Variants in CNOT6L observed in about 807,000 individuals in gnomAD.
CNOT6L encodes CCR4-NOT transcription complex subunit 6 like, also known as CCR4-NOT transcription complex subunit 6-like.
In CNOT6L, 7 loss-of-function variants were observed where a neutral mutation model predicts 64.0. That is an observed-to-expected ratio of 0.11 (90% CI 0.06 to 0.21). The LOEUF is 0.21. Among genes scored for constraint, CNOT6L ranks in the 10% least tolerant of loss-of-function variants. The probability of loss-of-function intolerance (pLI) is 1.00; values close to 1 mark genes in which losing one functional copy is unlikely to be tolerated. For missense variants in CNOT6L, 245 were observed against 669.0 expected (o/e 0.37, Z 6.99); for synonymous variants, 193 against 243.4 (o/e 0.79, Z 1.93).
At chr4:77,768,793 A>G (rs960462398) in intron 4 of CNOT6L, among the ~76,000 whole-genome samples, 3 of 152,048 alleles carry the variant, frequency 2.0e-5, no homozygotes, top group Non-Finnish European at 2.9e-5. Context: ...TAAAAATCTG[A>G]CAATATCAAG....
intron 1 of CNOT6L, among the ~76,000 whole-genome samples, chr4:77,786,639 GC>G (rs1729481096): frequency 6.6e-6 from 1 of 151,684 alleles, no homozygotes; most frequent in Admixed American, 6.6e-5. Flanking sequence ...CCCACGCCTG[GC>G]TAATTTTTGT....
chr4:77,765,471 AC>A (rs1726726348), intron 4 of CNOT6L, among the ~76,000 whole-genome samples: 1 of 152,248 alleles, frequency 6.6e-6, no homozygotes, highest in Non-Finnish European at 1.5e-5. Context: ...TGACAGTTTT[AC>A]AGGACTGTTT....
intron 4 of CNOT6L, among the ~76,000 whole-genome samples, chr4:77,772,255 G>A (rs959055678): frequency 1.3e-5 from 2 of 151,996 alleles, no homozygotes; most frequent in Non-Finnish European, 1.5e-5. Flanking sequence ...TTCTTGAGAC[G>A]GAGTTTCGCT....
At chr4:77,797,174 A>G (rs1730959850) in intron 1 of CNOT6L, among the ~76,000 whole-genome samples, 1 of 149,090 alleles carries the variant, frequency 6.7e-6, no homozygotes. Flanking sequence ...TAATAGTGGT[A>G]GAGCAATTAG....
intron 11 of CNOT6L, among the ~76,000 whole-genome samples, chr4:77,722,574 G>C (rs775757274): frequency 6.6e-6 from 1 of 152,084 alleles, no homozygotes; most frequent in African/African-American, 2.4e-5. Context: ...AACCTTATTA[G>C]AGTGCCGTCA....
At chr4:77,780,546 A>T (rs150050531) in intron 1 of CNOT6L, among the ~76,000 whole-genome samples, 1 of 152,232 alleles carries the variant, frequency 6.6e-6, no homozygotes, top group Non-Finnish European at 1.5e-5. Context: ...TCTGCCATCC[A>T]TTCACTCTTT....
intron 4 of CNOT6L, among the ~76,000 whole-genome samples, chr4:77,770,219 G>C (rs1041372270): frequency 2.0e-5 from 3 of 152,000 alleles, no homozygotes; most frequent in Admixed American, 1.3e-4. Flanking sequence ...TAAAATTTCA[G>C]TATCTGAGTT....
At chr4:77,727,127 AAT>A (rs1172338033) in intron 10 of CNOT6L, among the ~76,000 whole-genome samples, 3 of 152,214 alleles carry the variant, frequency 2.0e-5, no homozygotes, top group Non-Finnish European at 4.4e-5. Flanking sequence ...TGATAAGCAC[AAT>A]ATCAGTATTG....
intron 8 of CNOT6L, among the ~76,000 whole-genome samples, chr4:77,734,935 T>C (rs1343004769): frequency 6.6e-6 from 1 of 152,172 alleles, no homozygotes; most frequent in Non-Finnish European, 1.5e-5. Flanking sequence ...GCTACCATTA[T>C]TGAGGATCTA....
chr4:77,751,010 T>C (rs1724794066), intron 5 of CNOT6L, among the ~76,000 whole-genome samples: 1 of 152,174 alleles, frequency 6.6e-6, no homozygotes, highest in Non-Finnish European at 1.5e-5. Context: ...TAAAAAGCAC[T>C]GGTCATACCA....
rs574619568 is a variant in CNOT6L at position 77,744,593 on chromosome 4, G to A, written c.717+125C>T. The A allele has an allele frequency of 3.9e-6, 3 of 768,280 alleles. No homozygotes were observed. The East Asian group carries it at 8.8e-5, about 23-fold the overall frequency. 47.6% of individuals were successfully genotyped at this position (768,280 alleles called of 1,614,324 possible). A position where few individuals can be genotyped will look rare whatever the true frequency, so the allele number is the denominator to read the frequency against. ...TATTTAAATTGTCCATTATTTTTAA[G>A]AGGAGAGAAAACAATTCTTTTTGAG... On this transcript the variant is annotated intron_variant, in intron 7 of 11. Coordinates refer to ENST00000504123, the MANE Select transcript of CNOT6L (RefSeq NM_144571.3).
chr4:77,742,812 C>G (rs1250179521), intron 7 of CNOT6L, among the ~76,000 whole-genome samples: 1 of 152,094 alleles, frequency 6.6e-6, no homozygotes, highest in African/African-American at 2.4e-5. Context: ...CATCCAATGG[C>G]CTCTATTAAT....
At chr4:77,817,724 G>A (rs550863676) in intron 1 of CNOT6L, among the ~76,000 whole-genome samples, 2 of 152,074 alleles carry the variant, frequency 1.3e-5, no homozygotes, top group Non-Finnish European at 2.9e-5. Flanking sequence ...ACAGCTCTTC[G>A]CCCCTCCTTC....
chr4:77,723,840 T>C (rs1472190244), intron 11 of CNOT6L, among the ~76,000 whole-genome samples: 2 of 152,204 alleles, frequency 1.3e-5, no homozygotes, highest in Non-Finnish European at 2.9e-5. Context: ...TACTAACACA[T>C]GTAAGAGCTT....
At chr4:77,803,265 T>TAA (rs1294077980) in intron 1 of CNOT6L, among the ~76,000 whole-genome samples, 1 of 152,068 alleles carries the variant, frequency 6.6e-6, no homozygotes, top group East Asian at 1.9e-4. Context: ...TTCCAAAATT[T>TAA]AAAATATGTA....
At chr4:77,814,978 C>A (rs1679289929) in intron 1 of CNOT6L, among the ~76,000 whole-genome samples, 1 of 152,126 alleles carries the variant, frequency 6.6e-6, no homozygotes, top group South Asian at 2.1e-4. Context: ...CTGTTGTTTA[C>A]TTGATGATTT....
At chr4:77,785,727 T>G (rs1729360084) in intron 1 of CNOT6L, among the ~76,000 whole-genome samples, 1 of 152,060 alleles carries the variant, frequency 6.6e-6, no homozygotes, top group Non-Finnish European at 1.5e-5. Flanking sequence ...AGGATTAAAT[T>G]TAATAAATGA....
intron 8 of CNOT6L, among the ~76,000 whole-genome samples, chr4:77,739,728 G>GA (rs1420381681): frequency 6.6e-6 from 1 of 151,984 alleles, no homozygotes; most frequent in African/African-American, 2.4e-5. Context: ...TACTATTCAG[G>GA]AAAAAAGAGT....
intron 1 of CNOT6L, among the ~76,000 whole-genome samples, chr4:77,780,984 A>G (rs1170316798): frequency 2.0e-5 from 3 of 152,122 alleles, no homozygotes; most frequent in African/African-American, 7.2e-5. Context: ...TAAAAAACAT[A>G]AAAAAACATG....
Sources: allele counts gnomAD v4.1 joint callset (sites outside exome capture counted in the v4.1 genomes callset), GRCh38; gene constraint gnomAD v4.1.1; transcripts MANE v1.5; gene names NCBI Gene and HGNC (gene_info 2026-07-23, HGNC 2026-07-21).